Variants in TRPC4 observed in about 807,000 individuals in gnomAD.
The protein encoded by TRPC4 is transient receptor potential cation channel subfamily C member 4.
In TRPC4, 49 loss-of-function variants were observed where a neutral mutation model predicts 99.4. The ratio of observed to expected loss-of-function variants is 0.49; its 90% confidence interval spans 0.39 to 0.63. The LOEUF is 0.63. Among genes scored for constraint, TRPC4 ranks in the 20% least tolerant of loss-of-function variants. The probability of loss-of-function intolerance (pLI) is 0.00; values close to 1 mark genes in which losing one functional copy is unlikely to be tolerated. For synonymous variants in TRPC4, 454 were observed against 425.9 expected, an observed-to-expected ratio of 1.07 and a Z score of -0.81; for missense variants, 898 against 1,152.9, an observed-to-expected ratio of 0.78 and a Z score of 3.20.
intron 3 of TRPC4, among the ~76,000 whole-genome samples, chr13:37,745,475 C>CGTATATATATAT (rs1566138437): frequency 1.3e-4 from 1 of 7,834 alleles, no homozygotes; most frequent in South Asian, 4.0e-3. Flanking sequence ...TATATATATA[C>CGTATATATATAT]ACACACACAC....
rs147976410 is a variant in TRPC4, at chr13:37,821,591, C to G, written c.-27-38231G>C. 7.3e-3 allele frequency among the ~76,000 whole-genome samples: 1,106 copies of G among 152,200 alleles called. 8 individuals carry two copies. The highest frequency in any genetic ancestry group is 0.022 in the Admixed American group (341 of 15,254). On this transcript the variant is annotated intron_variant, in intron 1 of 10. Transcript: ENST00000379705. ...TACAAGGCTACAGTAACTGAAACAG[C>G]ATTGAACTGGTAGAAAAAGAGACAC... is the stretch of plus-strand genomic sequence containing the variant.
In TRPC4 at chr13:37,763,440, C is replaced by A. The variant is rs1003351832; in HGVS notation, c.379-16985G>T. 2.0e-5 allele frequency among the ~76,000 whole-genome samples: 3 copies of A among 151,200 alleles called. No individual in the cohort carries two copies. The Admixed American group carries it at 2.0e-4, about 10-fold the overall frequency. On this transcript the variant is annotated intron_variant, in intron 2 of 10. Coordinates refer to ENST00000379705, the MANE Select transcript of TRPC4 (RefSeq NM_016179.4). ...GGAAGAGGAGAAAAGAATTGGGGAG[C>A]TTGTTGAAGAAAAGATAGATAGAAA...
chr13:37,651,514 T>C (rs1952042176), intron 7 of TRPC4, 55 bp from the exon 8 acceptor site: 2 of 1,505,582 alleles, frequency 1.3e-6, no homozygotes, highest in Non-Finnish European at 1.8e-6. Flanking sequence ...CAAGGTACCA[T>C]AAATCTCACA....
At chr13:37,749,382 A>G (rs1955870944) in intron 2 of TRPC4, among the ~76,000 whole-genome samples, 1 of 152,098 alleles carries the variant, frequency 6.6e-6, no homozygotes, top group South Asian at 2.1e-4. Flanking sequence ...GAAATTTAAC[A>G]TTATATGTTG....
rs1244006569 is a variant in TRPC4, at chr13:37,842,367, AAAAGG to A, written c.-28+27223_-28+27227del. 2.5e-3 allele frequency among the ~76,000 whole-genome samples: 350 copies of A among 140,846 alleles called. 4 individuals are homozygous for A. The highest frequency in any genetic ancestry group is 3.8e-3 in the African/African-American group (138 of 36,798). The allele number at this position is 140,846 out of a possible 152,430, so 92.4% of individuals were successfully genotyped here. Reference sequence around the variant, plus strand: ...CCAAAAAAAAAAAAAAAAAAAAAAAAAAAGGAAAAGGAAAAGTATAAATCGGGGGC... The same window carrying A: ...CCAAAAAAAAAAAAAAAAAAAAAAAAAAAAGGAAAAGTATAAATCGGGGGC... On this transcript the variant is annotated intron_variant, in intron 1 of 10. Transcript: ENST00000379705.
chr13:37,709,659 G>A (rs898546574), intron 3 of TRPC4, among the ~76,000 whole-genome samples: 1 of 151,788 alleles, frequency 6.6e-6, no homozygotes, highest in Non-Finnish European at 1.5e-5. Flanking sequence ...TTCTGAAAAA[G>A]CCTTCCTGAA....
Position 37,651,190 on chromosome 13 carries a change from T to G in TRPC4, c.2079+75A>C, listed in dbSNP as rs1952032917. 1.2e-5 allele frequency: 19 copies of G among 1,546,016 alleles called. 1 individual carries two copies. In the South Asian group the frequency reaches 2.0e-4, roughly 16 times the overall value. On this transcript the variant is annotated intron_variant, in intron 8 of 10. Coordinates refer to ENST00000379705, the MANE Select transcript of TRPC4 (RefSeq NM_016179.4). ...AACAAAAAGGCTAAAGACCTGAACA[T>G]GTACAATAAAGAATACAAATATATT... is the stretch of plus-strand genomic sequence containing the variant.
intron 5 of TRPC4, among the ~76,000 whole-genome samples, chr13:37,669,821 G>C (rs781440709): frequency 6.6e-6 from 1 of 152,122 alleles, no homozygotes; most frequent in Non-Finnish European, 1.5e-5. Context: ...GGTTAGAAGG[G>C]CTGTTTTGTG....
In TRPC4 at chr13:37,703,194, T is replaced by C. The variant is rs201462485; in HGVS notation, c.898-10859A>G. 1.8e-4 allele frequency among the ~76,000 whole-genome samples: 27 copies of C among 152,312 alleles called. No individual in the cohort carries two copies. The East Asian group carries it at 4.6e-3, about 26-fold the overall frequency. ...GCTTGGTTTCATCACGTTCCTAAGG[T>C]TGAATTATCCACATAGCTCCTCTTT... is the stretch of plus-strand genomic sequence containing the variant. On this transcript the variant is annotated intron_variant, in intron 3 of 10. Transcript: ENST00000379705.
chr13:37,755,003 G>T (rs569832955), intron 2 of TRPC4, among the ~76,000 whole-genome samples: 1 of 151,822 alleles, frequency 6.6e-6, no homozygotes, highest in Admixed American at 6.6e-5. Context: ...GTTTTTTGCC[G>T]TTAAAAGTAA....
rs1414615982 is a variant in TRPC4, at chr13:37,692,212, GA to G, written c.1020del (p.Pro341LeufsTer8). The G allele has an allele frequency of 6.2e-7, 1 of 1,614,098 alleles. No homozygotes were observed. The highest frequency in any genetic ancestry group is 8.5e-7 in the Non-Finnish European group (1 of 1,180,016). ...MVTCFIIGLL[F>X]PVFSVCYLIA... ...ATCAGGTAGCACACAGAGAAGACAG[GA>G]AAAAGAAGTCCTATTATGAAACATG... On this transcript the variant is annotated frameshift_variant, in exon 4 of 11. Transcript: ENST00000379705. LOFTEE classifies it high-confidence loss of function.
intron 5 of TRPC4, among the ~76,000 whole-genome samples, chr13:37,673,853 T>C (rs1445891485): frequency 1.3e-5 from 2 of 152,210 alleles, no homozygotes; most frequent in Non-Finnish European, 2.9e-5. Context: ...TGAAATTTTA[T>C]CTATTAGTTA....
chr13:37,722,352 C>T (rs1251461223), intron 3 of TRPC4, among the ~76,000 whole-genome samples: 2 of 152,202 alleles, frequency 1.3e-5, no homozygotes, highest in Non-Finnish European at 2.9e-5. Context: ...ACCACTGGCT[C>T]GATTAATTAC....
At chr13:37,830,023 A>G (rs1958369353) in intron 1 of TRPC4, among the ~76,000 whole-genome samples, 1 of 152,178 alleles carries the variant, frequency 6.6e-6, no homozygotes, top group Non-Finnish European at 1.5e-5. Flanking sequence ...AGTGACTGCT[A>G]ATGACTATGG....
chr13:37,767,906 A>G (rs1458671229), intron 2 of TRPC4, among the ~76,000 whole-genome samples: 1 of 151,458 alleles, frequency 6.6e-6, no homozygotes, highest in Non-Finnish European at 1.5e-5. Flanking sequence ...ATGCCTAATG[A>G]ATAGACTGGT....
At chr13:37,657,845 T>C (rs1446037141) in intron 6 of TRPC4, among the ~76,000 whole-genome samples, 1 of 152,206 alleles carries the variant, frequency 6.6e-6, no homozygotes, top group Non-Finnish European at 1.5e-5. Context: ...TGACATTTCA[T>C]GATTACTTAT....
At chr13:37,831,381 A>T (rs1368878674) in intron 1 of TRPC4, among the ~76,000 whole-genome samples, 1 of 152,234 alleles carries the variant, frequency 6.6e-6, no homozygotes, top group Non-Finnish European at 1.5e-5. Flanking sequence ...ATGATGAAAG[A>T]TAACTAGTAT....
intron 3 of TRPC4, among the ~76,000 whole-genome samples, chr13:37,724,713 G>A (rs1009909473): frequency 6.6e-6 from 1 of 152,116 alleles, no homozygotes; most frequent in African/African-American, 2.4e-5. Context: ...TGTTCCAAAA[G>A]GTCCTTTCAC....
intron 3 of TRPC4, among the ~76,000 whole-genome samples, chr13:37,743,407 T>C (rs1328560208): frequency 6.6e-6 from 1 of 152,162 alleles, no homozygotes; most frequent in Non-Finnish European, 1.5e-5. Context: ...ATTAGAGTTA[T>C]GGCTTTTTCA....
Sources: allele counts gnomAD v4.1 joint callset (sites outside exome capture counted in the v4.1 genomes callset), GRCh38; gene constraint gnomAD v4.1.1; transcripts MANE v1.5; gene names NCBI Gene and HGNC (gene_info 2026-07-23, HGNC 2026-07-21).